Variants in LDB3 observed in about 807,000 individuals in gnomAD.
LDB3 encodes LIM domain-binding protein 3.
Under a neutral mutation model 69.0 loss-of-function variants are expected in LDB3, and 49 were observed. That is an observed-to-expected ratio of 0.71 (90% CI 0.56 to 0.90). LDB3 has a LOEUF of 0.90. Among genes scored for constraint, LDB3 ranks in the 40% least tolerant of loss-of-function variants. The pLI is 0.00. For missense variants in LDB3, 928 were observed against 974.1 expected, an observed-to-expected ratio of 0.95 and a Z score of 0.63; for synonymous variants, 387 against 396.2, an observed-to-expected ratio of 0.98 and a Z score of 0.28.
At chr10:86,696,054 T>A (rs1027725790) in intron 7 of LDB3, among the ~76,000 whole-genome samples, 1 of 152,180 alleles carries the variant, frequency 6.6e-6, no homozygotes, top group Non-Finnish European at 1.5e-5. Context: ...GCCCTTTCCA[T>A]CCCAGATCAT....
intron 7 of LDB3, among the ~76,000 whole-genome samples, chr10:86,693,235 G>A (rs951659902): frequency 2.2e-5 from 3 of 134,886 alleles, no homozygotes; most frequent in African/African-American, 7.8e-5. Context: ...GGTGGGCATG[G>A]GGGGGGGCAT....
intron 2 of LDB3, 107 bp from the exon 3 acceptor site, chr10:86,679,260 C>A: frequency 7.1e-7 from 1 of 1,407,416 alleles, no homozygotes; most frequent in Non-Finnish European, 1.0e-6. Flanking sequence ...ATGAAAAACA[C>A]AATGACGGCT....
intron 7 of LDB3, among the ~76,000 whole-genome samples, chr10:86,693,023 A>C (rs1487760772): frequency 3.3e-5 from 5 of 152,052 alleles, no homozygotes. Context: ...CCCTGGACTC[A>C]CCTGTCCAGA....
chr10:86,726,531 CA>C (rs1589685461), intron 13 of LDB3: 1 of 468,626 alleles, frequency 2.1e-6, no homozygotes, highest in Non-Finnish European at 3.9e-6. Context: ...GTCTCACCAG[CA>C]GTGTTGTCAG....
chr10:86,690,189 C>T (rs1279285597), intron 5 of LDB3, among the ~76,000 whole-genome samples: 1 of 152,202 alleles, frequency 6.6e-6, no homozygotes, highest in Admixed American at 6.5e-5. Context: ...AAGGGCCTTG[C>T]ATCCACACCT....
intron 12 of LDB3, 106 bp from the exon 13 acceptor site, chr10:86,726,031 T>C (rs994321499): frequency 2.7e-6 from 2 of 740,732 alleles, no homozygotes; most frequent in African/African-American, 1.7e-5. Context: ...AAACAACCAA[T>C]TAGATTTCAC....
At position 86,681,576 on chromosome 10, in the gene LDB3, A is replaced by G. The variant is rs1292066355; in HGVS notation, c.462A>G (p.Ser154=). 6.2e-7 allele frequency: 1 copy of G among 1,611,580 alleles called. No homozygotes were observed. The highest frequency in any genetic ancestry group is 8.5e-7 in the Non-Finnish European group (1 of 1,179,540). ...TCTCCCGGCCCTCCGCCTTCTCCTC[A>G]CTCGCCGAGGCCTCTGACCCTGGCC... ...PAFSRPSAFS[S]LAEASDPGPP... is the part of the protein sequence containing the mutation. The change falls in exon 5 of 14, where the codon TCA becomes TCG. Residue 154 remains serine, a synonymous_variant. Transcript: ENST00000361373.
intron 5 of LDB3, among the ~76,000 whole-genome samples, chr10:86,691,164 G>C (rs1845741417): frequency 6.6e-6 from 1 of 152,206 alleles, no homozygotes; most frequent in Admixed American, 6.5e-5. Flanking sequence ...TGTTTGTTCA[G>C]CCAAGAGTTT....
chr10:86,706,227 A>C lies in LDB3; in HGVS notation c.897-304A>C, dbSNP rs17106956. Among the ~76,000 whole-genome samples, 7,726 of 151,366 alleles carry C rather than the reference A, an allele frequency of 0.051. 298 individuals carry two copies. Among genetic ancestry groups the C allele is most frequent in the African/African-American group, 0.1 (4,303 of 41,074 alleles). ...GCCTTTCTACCACACTGTTTTGCTG[A>C]AAAAGAAAAATTAGGAAGTACAGAA... On this transcript the variant is annotated intron_variant, in intron 7 of 13. Coordinates refer to ENST00000361373, the MANE Select transcript of LDB3 (RefSeq NM_007078.3).
At chr10:86,732,649 A>C (rs1847509980) in intron 13 of LDB3, 1 of 510,412 alleles carries the variant, frequency 2.0e-6, no homozygotes, top group South Asian at 1.6e-5. Context: ...TTACAGGCAC[A>C]TGGCAACATG....
rs879218802 is a variant in LDB3, at chr10:86,718,739, G to A, written c.1870G>A (p.Ala624Thr). ...CTCTTTCCCCCAGGAAGTAATGCAT[G>A]CCTTGAGACAGACATGGCACACCAC... ...NTKIMGEVMHALRQTWHTTCF... is the reference protein window; with the variant it reads ...NTKIMGEVMHTLRQTWHTTCF... The change falls in exon 12 of 14, where the codon GCC becomes ACC. Residue 624 changes from alanine to threonine, a missense_variant. Ala to Thr is a moderately conservative substitution (Grantham distance 58). Transcript: ENST00000361373. 3.1e-6 allele frequency: 5 copies of A among 1,614,072 alleles called. No homozygotes were observed. The highest frequency in any genetic ancestry group is 4.2e-6 in the Non-Finnish European group (5 of 1,180,028).
chr10:86,731,598 G>A (rs1847461736), intron 13 of LDB3, among the ~76,000 whole-genome samples: 1 of 152,132 alleles, frequency 6.6e-6, no homozygotes, highest in Non-Finnish European at 1.5e-5. Context: ...TTCCTATTGA[G>A]AGAAATTTTA....
At position 86,684,624 on chromosome 10, in the gene LDB3, A is replaced by G. The variant is rs566982327; in HGVS notation, c.689+2821A>G. Among the ~76,000 whole-genome samples, 59 of 152,340 alleles carry G rather than the reference A, an allele frequency of 3.9e-4. 2 individuals are homozygous for G. The South Asian group carries it at 0.012, about 32-fold the overall frequency. On this transcript the variant is annotated intron_variant, in intron 5 of 13. Coordinates refer to ENST00000361373, the MANE Select transcript of LDB3 (RefSeq NM_007078.3). Reference sequence around the variant, plus strand: ...GGCGGGCCTGGGGCAGAGCAGGGCCACTGTGCTGCTCCCTGGGACCGGGGA... The same window carrying G: ...GGCGGGCCTGGGGCAGAGCAGGGCCGCTGTGCTGCTCCCTGGGACCGGGGA...
intron 10 of LDB3, among the ~76,000 whole-genome samples, chr10:86,717,416 C>T (rs12220648): frequency 6.6e-6 from 1 of 152,170 alleles, no homozygotes; most frequent in East Asian, 1.9e-4. Flanking sequence ...TCTTCATAGT[C>T]CCACTGTTCT....
chr10:86,671,168 G>A, intron 2 of LDB3, among the ~76,000 whole-genome samples: 1 of 152,228 alleles, frequency 6.6e-6, no homozygotes, highest in Admixed American at 6.5e-5. Flanking sequence ...TCGCTTCAGA[G>A]CCTGGCAAAC....
intron 5 of LDB3, 30 bp downstream of exon 5, chr10:86,681,833 G>A: frequency 6.4e-7 from 1 of 1,554,636 alleles, no homozygotes; most frequent in East Asian, 2.3e-5. Context: ...CTCTCCACAG[G>A]TGGCCTGGGC....
At chr10:86,710,969 G>T (rs1846629996) in intron 9 of LDB3, among the ~76,000 whole-genome samples, 1 of 152,212 alleles carries the variant, frequency 6.6e-6, no homozygotes, top group African/African-American at 2.4e-5. Context: ...CACACGGGAG[G>T]TGCCCTTCTC....
At chr10:86,668,959 C>T (rs577075150) in intron 2 of LDB3, among the ~76,000 whole-genome samples, 175 bp downstream of exon 2, 1 of 152,326 alleles carries the variant, frequency 6.6e-6, no homozygotes, top group African/African-American at 2.4e-5. Context: ...CTCACTGGAG[C>T]GCGCCGGCCT....
Position 86,701,061 on chromosome 10 carries a change from T to A in LDB3, c.897-5470T>A, listed in dbSNP as rs1263969770. On this transcript the variant is annotated intron_variant, in intron 7 of 13. Coordinates refer to ENST00000361373, the MANE Select transcript of LDB3 (RefSeq NM_007078.3). ...GAAGCGTTGGTGTTTGAGGCCGCTCTCTCCTGCCCATCCACCCTGAGATGC... is the reference window on the plus strand; with the variant it reads ...GAAGCGTTGGTGTTTGAGGCCGCTCACTCCTGCCCATCCACCCTGAGATGC... Among the ~76,000 whole-genome samples the A allele has an allele frequency of 2.0e-5, 3 of 152,150 alleles. No individual in the cohort carries two copies. In the East Asian group the frequency reaches 5.8e-4, roughly 29 times the overall value.
Sources: gnomAD v4.1 joint callset for allele counts (sites outside exome capture counted in the v4.1 genomes callset) on GRCh38, gnomAD v4.1.1 for gene constraint, MANE v1.5 for transcripts, NCBI Gene and HGNC (gene_info 2026-07-23, HGNC 2026-07-21) for gene names.